Variants in TSHR observed in about 807,000 individuals in gnomAD.
TSHR encodes the protein thyroid stimulating hormone receptor.
A neutral mutation model predicts 64.1 loss-of-function variants in TSHR; 51 were observed. That is an observed-to-expected ratio of 0.80 (90% CI 0.64 to 1.01). The LOEUF (loss-of-function observed/expected upper bound fraction) is 1.01. TSHR is among the 50% of genes least tolerant of loss of function. TSHR has a pLI of 0.00. For missense variants in TSHR, 877 were observed against 942.8 expected (o/e 0.93, Z 0.91); for synonymous variants, 361 against 361.9 (o/e 1.00, Z 0.03).
chr14:80,990,660 AT>A (rs35708128), intron 1 of TSHR, among the ~76,000 whole-genome samples: 16 of 149,750 alleles, frequency 1.1e-4, no homozygotes, highest in Non-Finnish European at 1.8e-4. Context: ...CTGAAACAGA[AT>A]TTTTTTTTTT....
intron 1 of TSHR, among the ~76,000 whole-genome samples, chr14:80,967,332 C>T (rs1887374794): frequency 7.1e-6 from 1 of 140,570 alleles, no homozygotes; most frequent in Admixed American, 7.4e-5. Flanking sequence ...GTTGCCCAGG[C>T]TACAGTGCAG....
chr14:81,026,900 G>C (rs901980645), intron 1 of TSHR, among the ~76,000 whole-genome samples: 9 of 152,038 alleles, frequency 5.9e-5, no homozygotes, highest in Non-Finnish European at 1.0e-4. Flanking sequence ...GCTGGGTGTG[G>C]TGGCGGGCAC....
intron 1 of TSHR, among the ~76,000 whole-genome samples, chr14:80,966,726 T>A (rs1423964191): frequency 1.3e-5 from 2 of 152,140 alleles, no homozygotes; most frequent in Non-Finnish European, 2.9e-5. Context: ...GGTGTCTTAG[T>A]TTGGGATCCT....
chr14:80,966,354 C>A (rs1014871350), intron 1 of TSHR, among the ~76,000 whole-genome samples: 1 of 152,108 alleles, frequency 6.6e-6, no homozygotes, highest in African/African-American at 2.4e-5. Context: ...CATCTCAACA[C>A]CCTTGGCAGT....
At chr14:81,031,722 C>T (rs2110697) in intron 1 of TSHR, among the ~76,000 whole-genome samples, 60,123 of 152,060 alleles carry the variant, frequency 0.4, 14,545 homozygotes, top group Non-Finnish European at 0.53. Flanking sequence ...AGGGAAGCAG[C>T]GCCAGAACCA....
At chr14:80,974,446 G>C (rs1887761589) in intron 1 of TSHR, among the ~76,000 whole-genome samples, 1 of 152,198 alleles carries the variant, frequency 6.6e-6, no homozygotes, top group Admixed American at 6.5e-5. Flanking sequence ...CTGTGTCAGA[G>C]TTTGGCTGAA....
intron 1 of TSHR, among the ~76,000 whole-genome samples, chr14:80,988,379 G>T (rs370082938): frequency 7.9e-5 from 12 of 152,084 alleles, no homozygotes; most frequent in Non-Finnish European, 1.2e-4. Flanking sequence ...GTGGAGGAAG[G>T]GGGTGGGGAA....
At chr14:81,129,494 T>C (rs1388672261) in intron 8 of TSHR, among the ~76,000 whole-genome samples, 1 of 152,140 alleles carries the variant, frequency 6.6e-6, no homozygotes, top group Non-Finnish European at 1.5e-5. Context: ...CAGCTGAACA[T>C]AGCAAGTGAT....
intron 7 of TSHR, among the ~76,000 whole-genome samples, chr14:81,105,858 C>T (rs1889856895): frequency 6.6e-6 from 1 of 152,092 alleles, no homozygotes; most frequent in Non-Finnish European, 1.5e-5. Context: ...GCTGCATTGT[C>T]CAGAGAATAC....
intron 8 of TSHR, among the ~76,000 whole-genome samples, chr14:81,133,195 T>G (rs1891321336): frequency 6.6e-6 from 1 of 152,210 alleles, no homozygotes; most frequent in Non-Finnish European, 1.5e-5. Context: ...CTCTCCCTCC[T>G]GAGATCCCCT....
At chr14:81,032,891 A>G in intron 1 of TSHR, 1 of 364,544 alleles carries the variant, frequency 2.7e-6, no homozygotes. Context: ...CTACACTAGA[A>G]AGGCCTGGAC....
chr14:81,036,704 A>G (rs1329419596), intron 1 of TSHR, among the ~76,000 whole-genome samples: 3 of 152,206 alleles, frequency 2.0e-5, no homozygotes, highest in Non-Finnish European at 2.9e-5. Flanking sequence ...AGAATACTCC[A>G]TTACTGTAGT....
At chr14:81,131,373 A>C (rs1402749598) in intron 8 of TSHR, among the ~76,000 whole-genome samples, 1 of 152,272 alleles carries the variant, frequency 6.6e-6, no homozygotes, top group East Asian at 1.9e-4. Context: ...CACTTTGGTA[A>C]CTTTCAAAGC....
chr14:81,058,063 T>C (rs2268474), intron 1 of TSHR, among the ~76,000 whole-genome samples: 38,365 of 152,174 alleles, frequency 0.25, 4,940 homozygotes, highest in South Asian at 0.3. Flanking sequence ...AGTTTAATTG[T>C]ACCAACTGCT....
At chr14:81,131,305 A>G (rs1275128286) in intron 8 of TSHR, among the ~76,000 whole-genome samples, 1 of 151,976 alleles carries the variant, frequency 6.6e-6, no homozygotes, top group Non-Finnish European at 1.5e-5. Flanking sequence ...CACTGCTACC[A>G]CCCTAGTCCA....
Position 81,096,614 on chromosome 14 carries a change from TTTCTC to T in TSHR, c.546-18_546-14del, listed in dbSNP as rs760713267. On this transcript the variant is annotated intron_variant, in intron 6 of 9. Transcript: ENST00000298171. ...AGCACCACTTCTCACCAGTCACTGA[TTTCTC>T]TTCTCTCTGTTGGTTGTAGGAAGCT... 9 of 1,611,766 alleles carry T rather than the reference TTTCTC, an allele frequency of 5.6e-6. No homozygotes were observed. The highest frequency in any genetic ancestry group is 7.6e-6 in the Non-Finnish European group (9 of 1,178,218).
intron 2 of TSHR, among the ~76,000 whole-genome samples, chr14:81,065,955 T>C (rs563924963): frequency 1.3e-5 from 2 of 152,276 alleles, no homozygotes; most frequent in South Asian, 4.1e-4. Context: ...GAATGATAAG[T>C]CATATGGTGA....
intron 1 of TSHR, chr14:81,049,517 GTAT>G (rs1455302725): frequency 6.6e-6 from 1 of 152,150 alleles, no homozygotes; most frequent in Non-Finnish European, 1.5e-5. Flanking sequence ...AACCATATAG[GTAT>G]TAAACAGTGC....
chr14:81,115,627 A>C (rs1390422018), intron 8 of TSHR, among the ~76,000 whole-genome samples: 1 of 152,014 alleles, frequency 6.6e-6, no homozygotes, highest in Non-Finnish European at 1.5e-5. Context: ...TCCAGGAGAA[A>C]TTCCCCAATA....
Sources: allele counts gnomAD v4.1 joint callset (sites outside exome capture counted in the v4.1 genomes callset), GRCh38; gene constraint gnomAD v4.1.1; transcripts MANE v1.5; gene names NCBI Gene and HGNC (gene_info 2026-07-23, HGNC 2026-07-21).